Variants in CHST11 observed in about 807,000 individuals in gnomAD.
The protein encoded by CHST11 is carbohydrate sulfotransferase 11.
A neutral mutation model predicts 30.4 loss-of-function variants in CHST11; 9 were observed. That is an observed-to-expected ratio of 0.30 (90% CI 0.18 to 0.52). The LOEUF (loss-of-function observed/expected upper bound fraction) is 0.52, where lower values mean the gene tolerates loss of function less well. CHST11 is among the 20% of genes least tolerant of loss of function. The pLI is 0.97. For missense variants in CHST11, 348 were observed against 460.6 expected, an observed-to-expected ratio of 0.76 and a Z score of 2.24; for synonymous variants, 152 against 187.8, an observed-to-expected ratio of 0.81 and a Z score of 1.56.
intron 1 of CHST11, among the ~76,000 whole-genome samples, chr12:104,544,138 A>AAAAAGAAAGAAAGAAAGAAAGAAAG (rs1555231335): frequency 2.8e-5 from 2 of 71,726 alleles, no homozygotes; most frequent in Non-Finnish European, 2.6e-5. Context: ...AAAAAAAAAA[A>AAAAAGAAAGAAAGAAAGAAAGAAAG]AAAGAAAGAA....
At chr12:104,487,308 C>T (rs1379378215) in intron 1 of CHST11, among the ~76,000 whole-genome samples, 1 of 152,196 alleles carries the variant, frequency 6.6e-6, no homozygotes, top group Non-Finnish European at 1.5e-5. Flanking sequence ...GTCTTCCAGG[C>T]AGGAGTGCAG....
chr12:104,737,532 C>T (rs150611896), intron 2 of CHST11, among the ~76,000 whole-genome samples: 5 of 152,356 alleles, frequency 3.3e-5, no homozygotes, highest in African/African-American at 9.6e-5. Flanking sequence ...GTAGTTTTCC[C>T]TTGTCTGGCC....
chr12:104,580,983 A>G (rs1259502309), intron 1 of CHST11, among the ~76,000 whole-genome samples: 1 of 152,196 alleles, frequency 6.6e-6, no homozygotes, highest in Non-Finnish European at 1.5e-5. Flanking sequence ...ATTGATGTTT[A>G]TTGAGATCAG....
At chr12:104,526,383 T>C (rs2135991547) in intron 1 of CHST11, among the ~76,000 whole-genome samples, 1 of 152,300 alleles carries the variant, frequency 6.6e-6, no homozygotes, top group East Asian at 1.9e-4. Flanking sequence ...ATATAGGGGC[T>C]GAGGGACATT....
At chr12:104,736,473 A>T (rs533749312) in intron 2 of CHST11, among the ~76,000 whole-genome samples, 3 of 152,336 alleles carry the variant, frequency 2.0e-5, no homozygotes, top group African/African-American at 4.8e-5. Flanking sequence ...GCAGAGTCCC[A>T]TGTATTTCCA....
intron 1 of CHST11, among the ~76,000 whole-genome samples, chr12:104,507,693 A>G (rs2037919743): frequency 6.6e-6 from 1 of 152,168 alleles, no homozygotes; most frequent in African/African-American, 2.4e-5. Context: ...GCTGAGGGGA[A>G]TGACTGAGAT....
In CHST11 at chr12:104,522,473, G is replaced by A. The variant is rs1037021424; in HGVS notation, c.118+64944G>A. Among the ~76,000 whole-genome samples, 7 of 152,252 alleles carry A rather than the reference G, an allele frequency of 4.6e-5. No homozygotes were observed. The East Asian group carries it at 1.3e-3, about 29-fold the overall frequency. ...TGATGTAGATGTATTTACGTGTATT[G>A]GTGTAGGGTTCTCAGGCAGGCTTGA... On this transcript the variant is annotated intron_variant, in intron 1 of 2. Transcript: ENST00000303694.
rs56983056 is a variant in CHST11, at chr12:104,610,043, C to CTGTGTG, written c.204+8100_204+8105dup. 9.9e-3 allele frequency among the ~76,000 whole-genome samples: 1,410 copies of CTGTGTG among 143,084 alleles called. 18 individuals carry two copies. Among genetic ancestry groups the CTGTGTG allele is most frequent in the African/African-American group, 0.024 (920 of 38,402 alleles). 93.9% of individuals were successfully genotyped at this position (143,084 alleles called of 152,430 possible). ...CTGATTTATAAAGCCATGAGTGCCTCTGTGTGTGTGTGTGTGTGTGTGTGT... is the reference window on the plus strand; with the variant it reads ...CTGATTTATAAAGCCATGAGTGCCTCTGTGTGTGTGTGTGTGTGTGTGTGTGTGTGT... On this transcript the variant is annotated intron_variant, in intron 2 of 2. Transcript: ENST00000303694.
intron 2 of CHST11, among the ~76,000 whole-genome samples, chr12:104,737,703 G>A (rs556288509): frequency 3.3e-5 from 5 of 152,270 alleles, no homozygotes; most frequent in Non-Finnish European, 5.9e-5. Context: ...CCTCTTGAGC[G>A]CCTGTGGTTT....
chr12:104,550,580 A>G (rs757009313), intron 1 of CHST11, among the ~76,000 whole-genome samples: 3 of 152,224 alleles, frequency 2.0e-5, no homozygotes, highest in Non-Finnish European at 4.4e-5. Context: ...TACAAAAACA[A>G]GCAGTGGGAA....
chr12:104,628,143 T>C (rs2039235569), intron 2 of CHST11, among the ~76,000 whole-genome samples: 1 of 152,172 alleles, frequency 6.6e-6, no homozygotes, highest in Admixed American at 6.5e-5. Flanking sequence ...TAGAAGTCAT[T>C]TGATGCACGG....
chr12:104,540,958 C>G (rs1490131344), intron 1 of CHST11, among the ~76,000 whole-genome samples: 1 of 152,094 alleles, frequency 6.6e-6, no homozygotes, highest in Admixed American at 6.5e-5. Context: ...TTTTTCATCG[C>G]TAGTGTTTTG....
intron 1 of CHST11, among the ~76,000 whole-genome samples, chr12:104,465,341 G>A (rs1417941809): frequency 6.6e-6 from 1 of 152,186 alleles, no homozygotes; most frequent in African/African-American, 2.4e-5. Context: ...TTAACGATGA[G>A]GTTGGTTAAG....
intron 1 of CHST11, among the ~76,000 whole-genome samples, chr12:104,546,545 CT>C (rs998591550): frequency 2.3e-4 from 35 of 152,074 alleles, no homozygotes; most frequent in Non-Finnish European, 4.7e-4. Flanking sequence ...GCAACTCAGA[CT>C]GCCTATTTAG....
intron 1 of CHST11, among the ~76,000 whole-genome samples, chr12:104,597,286 C>G (rs778098462): frequency 1.6e-4 from 24 of 151,534 alleles, no homozygotes; most frequent in Non-Finnish European, 2.6e-4. Context: ...GTAAATTGAG[C>G]TAATTAGATT....
At chr12:104,746,692 C>G (rs2040391172) in intron 2 of CHST11, among the ~76,000 whole-genome samples, 3 of 152,210 alleles carry the variant, frequency 2.0e-5, no homozygotes, top group Admixed American at 2.0e-4. Flanking sequence ...CCAGAGAAAC[C>G]AATTTCCCTG....
At chr12:104,548,235 G>A (rs2038370427) in intron 1 of CHST11, among the ~76,000 whole-genome samples, 1 of 152,230 alleles carries the variant, frequency 6.6e-6, no homozygotes, top group South Asian at 2.1e-4. Flanking sequence ...ATAGGAAGAT[G>A]TGTGGTTAGA....
At chr12:104,725,066 C>T (rs1464300070) in intron 2 of CHST11, among the ~76,000 whole-genome samples, 1 of 152,076 alleles carries the variant, frequency 6.6e-6, no homozygotes. Flanking sequence ...CTGGTATGGA[C>T]TCTTCTAAGC....
chr12:104,512,041 T>C (rs1483633227), intron 1 of CHST11, among the ~76,000 whole-genome samples: 1 of 152,256 alleles, frequency 6.6e-6, no homozygotes, highest in East Asian at 1.9e-4. Context: ...TGTTCCACTG[T>C]ATTTTTTTAT....
Sources: gnomAD v4.1 joint callset for allele counts (sites outside exome capture counted in the v4.1 genomes callset) on GRCh38, gnomAD v4.1.1 for gene constraint, MANE v1.5 for transcripts, NCBI Gene and HGNC (gene_info 2026-07-23, HGNC 2026-07-21) for gene names.